CIROZ: variants seen among roughly 807,000 people sequenced by gnomAD.
The protein encoded by CIROZ is ciliated left-right organizer protein containing ZP-N domains.
At chr1:10,947,855 G>A in the CIROZ span, 2 of 1,608,510 alleles carry the variant, frequency 1.2e-6, no homozygotes, top group Non-Finnish European at 1.7e-6. Flanking sequence ...ACAGGCTCAG[G>A]GTTTGCGTGG....
chr1:10,948,679 G>C, the CIROZ span: 11 of 1,606,290 alleles, frequency 6.8e-6, no homozygotes, highest in East Asian at 2.2e-5. Context: ...CCCTCTACAG[G>C]CTCCGAGGGG....
At chr1:10,948,927 A>G in the CIROZ span, 1 of 1,349,472 alleles carries the variant, frequency 7.4e-7, no homozygotes, top group East Asian at 2.4e-5. Flanking sequence ...ATCTCAACCC[A>G]AAGATGGGTT....
chr1:10,959,417 G>A, the CIROZ span, among the ~76,000 whole-genome samples: 29 of 152,292 alleles, frequency 1.9e-4, no homozygotes, highest in East Asian at 4.8e-3. This position sits in a 1 kb window ranked among gnomAD's most constrained non-coding sequence, Gnocchi z 4.3. Flanking sequence ...AGGTGATGGC[G>A]TGGGCAAGGC....
chr1:10,956,137 A>G, the CIROZ span, among the ~76,000 whole-genome samples: 1 of 152,094 alleles, frequency 6.6e-6, no homozygotes, highest in Non-Finnish European at 1.5e-5. Context: ...AACCACCTCT[A>G]ATCTACCCAC....
the CIROZ span, among the ~76,000 whole-genome samples, chr1:10,979,428 A>C: frequency 6.6e-6 from 1 of 152,180 alleles, no homozygotes; most frequent in South Asian, 2.1e-4. Context: ...TGAAGCCAGA[A>C]GCTGGAAAGA....
chr1:10,964,076 G>A, the CIROZ span: 1 of 1,599,474 alleles, frequency 6.3e-7, no homozygotes, highest in Non-Finnish European at 8.5e-7. Flanking sequence ...TTAGAGAGAA[G>A]CCCAGCCTGG....
At chr1:10,981,698 C>CCTAATTTGG in the CIROZ span, among the ~76,000 whole-genome samples, 1 of 152,140 alleles carries the variant, frequency 6.6e-6, no homozygotes, top group Non-Finnish European at 1.5e-5. Flanking sequence ...TTTAAGGACC[C>CCTAATTTGG]TCTAGGACAA....
the CIROZ span, chr1:10,948,740 A>C: frequency 9.7e-6 from 15 of 1,548,766 alleles, no homozygotes; most frequent in Non-Finnish European, 1.3e-5. Flanking sequence ...CCCCTGGGGG[A>C]GGCTGGGGAC....
chr1:10,970,134 GAGGAAGGAAGGAAGGAAGGAAGAA>G, the CIROZ span: 2 of 1,414,040 alleles, frequency 1.4e-6, no homozygotes, highest in African/African-American at 1.4e-5. Flanking sequence ...GGAAGGGAGG[GAGGAAGGAAGGAAGGAAGGAAGAA>G]AGGAAGGAAG....
chr1:10,961,237 G>T, the CIROZ span, among the ~76,000 whole-genome samples: 2 of 152,116 alleles, frequency 1.3e-5, no homozygotes, highest in African/African-American at 4.8e-5. Context: ...GCAGTAACCA[G>T]CCCCGGGATG....
At chr1:10,972,420 T>TACAAAC in the CIROZ span, among the ~76,000 whole-genome samples, 164 of 131,802 alleles carry the variant, frequency 1.2e-3, no homozygotes, top group East Asian at 5.1e-3. Flanking sequence ...GTCTCTGAAA[T>TACAAAC]ACACACACAC....
At chr1:10,959,897 C>T in the CIROZ span, among the ~76,000 whole-genome samples, 8 of 152,264 alleles carry the variant, frequency 5.3e-5, no homozygotes, top group Admixed American at 5.2e-4. This position sits in a 1 kb window ranked among gnomAD's most constrained non-coding sequence, Gnocchi z 4.3. Context: ...TGCTGCCTTC[C>T]CTTGGGGAGC....
chr1:10,964,131 G>C, the CIROZ span: 1 of 1,613,554 alleles, frequency 6.2e-7, no homozygotes, highest in South Asian at 1.1e-5. Flanking sequence ...CCATTACCTG[G>C]ATGAACATGG....
the CIROZ span, among the ~76,000 whole-genome samples, chr1:10,966,122 T>A: frequency 6.6e-6 from 1 of 152,096 alleles, no homozygotes. Context: ...GCAGGTCTAC[T>A]GCACAGAGAA....
At chr1:10,959,771 C>T in the CIROZ span, among the ~76,000 whole-genome samples, 1 of 152,234 alleles carries the variant, frequency 6.6e-6, no homozygotes, top group Non-Finnish European at 1.5e-5. This position sits in a 1 kb window ranked among gnomAD's most constrained non-coding sequence, Gnocchi z 4.3. Flanking sequence ...ATGCAGCCTC[C>T]CCAGTTGCCC....
At chr1:10,972,639 A>G in the CIROZ span, among the ~76,000 whole-genome samples, 10 of 152,336 alleles carry the variant, frequency 6.6e-5, no homozygotes, top group Middle Eastern at 3.4e-3. Flanking sequence ...GGGGCGAGTC[A>G]TTTAATCTCT....
chr1:10,955,072 T>C, the CIROZ span: 1 of 1,614,048 alleles, frequency 6.2e-7, no homozygotes, highest in Non-Finnish European at 8.5e-7. Context: ...GTTGGACTGG[T>C]GGACTCGGAG....
At chr1:10,957,831 G>C in the CIROZ span, 1 of 1,479,112 alleles carries the variant, frequency 6.8e-7, no homozygotes, top group Non-Finnish European at 9.2e-7. Context: ...GGGGACACTT[G>C]AAGGGTCACC....
chr1:10,970,197 A>G, the CIROZ span: 1 of 1,102,012 alleles, frequency 9.1e-7, no homozygotes, highest in East Asian at 2.6e-5. Context: ...AGCTCCTCTC[A>G]GCCTGGCTTC....
Sources: allele counts gnomAD v4.1 joint callset (sites outside exome capture counted in the v4.1 genomes callset), GRCh38; gene constraint gnomAD v4.1.1; non-coding constraint Gnocchi (gnomAD v3.1); transcripts MANE v1.5; gene names NCBI Gene and HGNC (gene_info 2026-07-23, HGNC 2026-07-21).